The following CRAT variants were observed in gnomAD, a reference collection of about 807,000 sequenced individuals.
The protein encoded by CRAT is carnitine acetylase.
In CRAT, 66 loss-of-function variants were observed where a neutral mutation model predicts 73.7. That is an observed-to-expected ratio of 0.90 (90% confidence interval 0.73 to 1.10). The LOEUF is 1.10. Among genes scored for constraint, CRAT ranks in the 50% least tolerant of loss-of-function variants. The pLI is 0.00. For missense variants in CRAT, 745 were observed against 846.9 expected (o/e 0.88, Z 1.49); for synonymous variants, 321 against 343.2 (o/e 0.94, Z 0.71).
chr9:129,108,819 C>G (rs1175038346), intron 1 of CRAT: 2 of 1,304,210 alleles, frequency 1.5e-6, no homozygotes, highest in African/African-American at 1.5e-5. Flanking sequence ...TGGGCCCTGT[C>G]TGTCTGCCTT....
chr9:129,099,583 C>T (rs1254683053), intron 8 of CRAT, among the ~76,000 whole-genome samples: 6 of 144,944 alleles, frequency 4.1e-5, no homozygotes, highest in Non-Finnish European at 3.0e-5. Flanking sequence ...TGTGATACCA[C>T]ACCTGGGTAA....
At chr9:129,095,909 A>C in intron 13 of CRAT, 89 bp downstream of exon 13, 1 of 1,550,028 alleles carries the variant, frequency 6.5e-7, no homozygotes, top group Non-Finnish European at 8.8e-7. Context: ...CTGTGTTGGC[A>C]ATGGGTCAGT....
rs981637728 is a variant in CRAT at position 129,095,044 on chromosome 9, C to T, written c.*353G>A. 8 of 313,852 alleles carry T rather than the reference C, an allele frequency of 2.5e-5. No individual in the cohort carries two copies. The highest frequency in any genetic ancestry group is 7.3e-5 in the East Asian group (1 of 13,704). The allele number at this position is 313,852 out of a possible 1,614,324, so 19.4% of individuals were successfully genotyped here. A position where few individuals can be genotyped will look rare whatever the true frequency, so the allele number is the denominator to read the frequency against. ...GGTCATGGAGTTGGCAGGGAGTGGCCGGGGCTGAGCTGGTGAGACAAAGAG... is the reference window on the plus strand; with the variant it reads ...GGTCATGGAGTTGGCAGGGAGTGGCTGGGGCTGAGCTGGTGAGACAAAGAG... On this transcript the variant is annotated 3_prime_UTR_variant, in exon 14 of 14. Transcript: ENST00000318080.
Position 129,104,259 on chromosome 9 carries a change from A to C in CRAT, c.339T>G (p.Pro113=). 1 of 1,613,520 alleles carries C rather than the reference A, an allele frequency of 6.2e-7. No individual in the cohort carries two copies. Among genetic ancestry groups the C allele is most frequent in the Non-Finnish European group, 8.5e-7 (1 of 1,179,766 alleles). Residue 113 remains proline, a synonymous_variant, in exon 3 of 14, where the codon CCT becomes CCG. Coordinates refer to ENST00000318080, the MANE Select transcript of CRAT (RefSeq NM_000755.5). Reference sequence around the variant, plus strand: ...CGCCTGGGCTCGAGTAGATGACCACAGGCTGGCGGTACTGGAGGTAGGCGG... The same window carrying C: ...CGCCTGGGCTCGAGTAGATGACCACCGGCTGGCGGTACTGGAGGTAGGCGG... ...LKTAYLQYRQ[P]VVIYSSPGVM...
intron 2 of CRAT, among the ~76,000 whole-genome samples, chr9:129,105,194 C>T (rs538800666): frequency 4.0e-4 from 61 of 151,694 alleles, no homozygotes; most frequent in Non-Finnish European, 7.2e-4. Flanking sequence ...CGTGAGCCAC[C>T]GCGCCCGGCA....
At chr9:129,108,781 G>A (rs779582420) in intron 1 of CRAT, 39 of 1,304,130 alleles carry the variant, frequency 3.0e-5, no homozygotes, top group South Asian at 2.7e-4. Flanking sequence ...TCTGCTGCCC[G>A]TCCTCCTCCA....
In CRAT at chr9:129,100,188, C is replaced by T. The variant is rs138996378; in HGVS notation, c.985-222G>A. ...GACTGAGTCCTTCAAACTACTCTACCGGTGAGGTTGACCATCACCCCATTT... is the reference window on the plus strand; with the variant it reads ...GACTGAGTCCTTCAAACTACTCTACTGGTGAGGTTGACCATCACCCCATTT... On this transcript the variant is annotated intron_variant, in intron 7 of 13. Transcript: ENST00000318080. The T allele has an allele frequency of 3.9e-3, 2,282 of 583,164 alleles. 5 individuals are homozygous for T. The highest frequency in any genetic ancestry group is 5.5e-3 in the Non-Finnish European group (1,795 of 328,520). 36.1% of individuals were successfully genotyped at this position (583,164 alleles called of 1,614,324 possible).
intron 1 of CRAT, chr9:129,108,999 G>T: frequency 1.6e-6 from 2 of 1,224,912 alleles, no homozygotes; most frequent in African/African-American, 1.6e-5. Flanking sequence ...GGCAGGGGAA[G>T]CTCCTGGACT....
intron 2 of CRAT, among the ~76,000 whole-genome samples, chr9:129,105,662 C>T (rs2131484303): frequency 6.6e-6 from 1 of 152,288 alleles, no homozygotes; most frequent in South Asian, 2.1e-4. Flanking sequence ...GAGAACTGTC[C>T]AAGGAGGCAG....
In CRAT at chr9:129,103,096, G is replaced by T. The variant is rs767840292; in HGVS notation, c.411-30C>A. On this transcript the variant is annotated intron_variant, in intron 3 of 13. Coordinates refer to ENST00000318080, the MANE Select transcript of CRAT (RefSeq NM_000755.5). The surrounding 1 kb of genome is among the most constrained non-coding windows in gnomAD (Gnocchi z 4.6). ...AAAGATTGATTAGAGATTAGAAGCT[G>T]CGTGGACACCCTGAGGGAGGCCCCG... 20 of 1,606,614 alleles carry T rather than the reference G, an allele frequency of 1.2e-5. 1 individual carries two copies. In the South Asian group the frequency reaches 2.2e-4, roughly 18 times the overall value.
At position 129,095,982 on chromosome 9, in the gene CRAT, T is replaced by C; in HGVS notation, c.1665+16A>G. ...CTCTGCCTCCAGCCCCCGGGGCACC[T>C]GGGGCAGTGGCCCACCTGGCTGGTG... is the stretch of plus-strand genomic sequence containing the variant. On this transcript the variant is annotated intron_variant, in intron 13 of 13. Coordinates refer to ENST00000318080, the MANE Select transcript of CRAT (RefSeq NM_000755.5). The C allele has an allele frequency of 1.9e-6, 3 of 1,613,762 alleles. No homozygotes were observed. Among genetic ancestry groups the C allele is most frequent in the Non-Finnish European group, 2.5e-6 (3 of 1,179,978 alleles).
Position 129,102,484 on chromosome 9 carries a change from C to T in CRAT, c.546G>A (p.Val182=). Residue 182 remains valine, a synonymous_variant, in exon 5 of 14, where the codon GTG becomes GTA. Coordinates refer to ENST00000318080, the MANE Select transcript of CRAT (RefSeq NM_000755.5). ...TGACTGTGTCCTGCTTGGGGCCCGGCACTCGGCAGGAGGACAAGATCTGAT... is the reference window on the plus strand; with the variant it reads ...TGACTGTGTCCTGCTTGGGGCCCGGTACTCGGCAGGAGGACAAGATCTGAT... The part of the protein sequence containing the change: ...QYYQILSSCR[V]PGPKQDTVSN... The T allele has an allele frequency of 6.2e-7, 1 of 1,614,144 alleles. No homozygotes were observed. The highest frequency in any genetic ancestry group is 8.5e-7 in the Non-Finnish European group (1 of 1,180,002).
Position 129,110,218 on chromosome 9 carries a change from T to TG in CRAT, c.27+264dup. Among the ~76,000 whole-genome samples, 1 of 152,046 alleles carries TG rather than the reference T, an allele frequency of 6.6e-6. No homozygotes were observed. Among genetic ancestry groups the TG allele is most frequent in the African/African-American group, 2.4e-5 (1 of 41,458 alleles). On this transcript the variant is annotated intron_variant, in intron 1 of 13. Transcript: ENST00000318080. The surrounding 1 kb of genome is among the most constrained non-coding windows in gnomAD (Gnocchi z 5.3). Reference sequence around the variant, plus strand: ...ACCGGCCTGTCTCTGGGTCTAAGGGTGGGGGTGCTAACTGAAGCCGGGGTC... The same window carrying TG: ...ACCGGCCTGTCTCTGGGTCTAAGGGTGGGGGGTGCTAACTGAAGCCGGGGTC...
rs1127927 is a variant in CRAT at position 129,096,113 on chromosome 9, T to C, written c.1550A>G (p.Asp517Gly). The stretch of plus-strand genomic sequence containing the variant: ...CAGCTTCAGGCCCAGCAGGTGTCGA[T>C]CAAAGGCCTCCCCGCGGATGGCCTG... Reference protein sequence around the residue: ...TDRAIRGEAFDRHLLGLKLQA... With the variant: ...TDRAIRGEAFGRHLLGLKLQA... Residue 517 changes from aspartate (D) to glycine (G), a missense_variant, in exon 13 of 14, where the codon GAT becomes GGT. Physicochemically the swap from Asp to Gly is moderately conservative, Grantham distance 94. Transcript: ENST00000318080. The C allele has an allele frequency of 6.2e-7, 1 of 1,613,580 alleles. No individual in the cohort carries two copies. The highest frequency in any genetic ancestry group is 1.7e-5 in the Admixed American group (1 of 60,034).
chr9:129,098,430 G>A (rs1455970491), intron 9 of CRAT, 59 bp from the exon 10 acceptor site: 15 of 1,603,834 alleles, frequency 9.4e-6, no homozygotes, highest in Admixed American at 1.7e-5. Context: ...CCAACCCCAC[G>A]GAGGGTCTGG....
chr9:129,110,519 C>A lies in CRAT; in HGVS notation c.-10G>T. ...CAGCGAAGGCTAACATCTTCGCTGC[C>A]CGTCCGCGGACACGCAGTCCGCTCC... On this transcript the variant is annotated 5_prime_UTR_variant, in exon 1 of 14. Coordinates refer to ENST00000318080, the MANE Select transcript of CRAT (RefSeq NM_000755.5). The surrounding 1 kb of genome is among the most constrained non-coding windows in gnomAD (Gnocchi z 5.3). 1 of 1,578,864 alleles carries A rather than the reference C, an allele frequency of 6.3e-7. No homozygotes were observed. Among genetic ancestry groups the A allele is most frequent in the East Asian group, 2.4e-5 (1 of 40,896 alleles).
chr9:129,100,789 C>T, intron 6 of CRAT, 100 bp from the exon 7 acceptor site: 1 of 1,386,180 alleles, frequency 7.2e-7, no homozygotes. Flanking sequence ...CTCTTCTGAC[C>T]CATTTGTACC....
chr9:129,107,699 G>T lies in CRAT; in HGVS notation c.291+115C>A. The T allele has an allele frequency of 6.8e-7, 1 of 1,460,252 alleles. No homozygotes were observed. Among genetic ancestry groups the T allele is most frequent in the Non-Finnish European group, 9.5e-7 (1 of 1,053,642 alleles). 90.5% of individuals were successfully genotyped at this position (1,460,252 alleles called of 1,614,324 possible). A position where few individuals can be genotyped will look rare whatever the true frequency, so the allele number is the denominator to read the frequency against. On this transcript the variant is annotated intron_variant, in intron 2 of 13. Transcript: ENST00000318080. The surrounding 1 kb of genome is among the most constrained non-coding windows in gnomAD (Gnocchi z 5.0). ...CACCCTGCCAAGTGCCAGACACAGAGTATGTGCTCACGAAACTCTGGGCAG... is the reference window on the plus strand; with the variant it reads ...CACCCTGCCAAGTGCCAGACACAGATTATGTGCTCACGAAACTCTGGGCAG...
At chr9:129,104,150 C>T (rs945518701) in intron 3 of CRAT, 38 bp downstream of exon 3, 1 of 1,503,362 alleles carries the variant, frequency 6.7e-7, no homozygotes, top group South Asian at 1.2e-5. Context: ...ACTCGAGGGG[C>T]CCGGCTGCCT....
Sources: gnomAD v4.1 joint callset for allele counts (sites outside exome capture counted in the v4.1 genomes callset) on GRCh38, gnomAD v4.1.1 for gene constraint, Gnocchi (gnomAD v3.1) non-coding constraint, MANE v1.5 for transcripts, NCBI Gene and HGNC (gene_info 2026-07-23, HGNC 2026-07-21) for gene names.